FTCDNL1: variants seen among roughly 807,000 people sequenced by gnomAD.
FTCDNL1 encodes the protein formiminotransferase N-terminal subdomain-containing protein.
A neutral mutation model predicts 5.9 loss-of-function variants in FTCDNL1; 11 were observed. The ratio of observed to expected loss-of-function variants is 1.87; its 90% CI spans 1.18 to 3.10. The LOEUF (loss-of-function observed/expected upper bound fraction) is 3.10. Among genes scored for constraint, FTCDNL1 ranks in the 30% most tolerant of loss-of-function variants. The pLI, the probability that FTCDNL1 is intolerant of heterozygous loss-of-function variation, is 0.00. For synonymous variants in FTCDNL1, 58 were observed against 24.8 expected, an observed-to-expected ratio of 2.34 and a Z score of -3.99; for missense variants, 115 against 65.5, an observed-to-expected ratio of 1.76 and a Z score of -2.61.
At chr2:199,795,978 G>T (rs1179846942) in intron 3 of FTCDNL1, among the ~76,000 whole-genome samples, 2 of 152,016 alleles carry the variant, frequency 1.3e-5, no homozygotes, top group African/African-American at 2.4e-5. Context: ...ATGCTGAGGG[G>T]TGATGATCTT....
the FTCDNL1 span, among the ~76,000 whole-genome samples, chr2:199,733,293 A>G: frequency 6.6e-6 from 1 of 152,220 alleles, no homozygotes; most frequent in African/African-American, 2.4e-5. Context: ...GGAATTATAT[A>G]TTTAGGCATG....
At chr2:199,783,844 C>T (rs1699495901) in intron 3 of FTCDNL1, among the ~76,000 whole-genome samples, 1 of 150,778 alleles carries the variant, frequency 6.6e-6, no homozygotes, top group Non-Finnish European at 1.5e-5. Flanking sequence ...TCTTTCTGTG[C>T]TGAAAAAAAA....
chr2:199,822,526 G>C (rs1016937087), intron 3 of FTCDNL1, among the ~76,000 whole-genome samples: 10 of 152,190 alleles, frequency 6.6e-5, no homozygotes, highest in Non-Finnish European at 2.9e-5. Flanking sequence ...GATGGCTGCC[G>C]AAGGCTGGAG....
At chr2:199,727,745 G>A in the FTCDNL1 span, among the ~76,000 whole-genome samples, 1 of 152,068 alleles carries the variant, frequency 6.6e-6, no homozygotes, top group African/African-American at 2.4e-5. Flanking sequence ...TATCAATCCA[G>A]AAACAGAATT....
At chr2:199,679,479 C>A in the FTCDNL1 span, among the ~76,000 whole-genome samples, 130 of 152,174 alleles carry the variant, frequency 8.5e-4, 1 homozygote, top group South Asian at 0.025. Flanking sequence ...ATTCTTATAT[C>A]TGATATTTGA....
the FTCDNL1 span, among the ~76,000 whole-genome samples, chr2:199,749,985 C>G: frequency 6.6e-6 from 1 of 151,108 alleles, no homozygotes; most frequent in Admixed American, 6.6e-5. Flanking sequence ...AGGCCTGTAT[C>G]AAAATATTTC....
At chr2:199,707,957 AGATT>A in the FTCDNL1 span, among the ~76,000 whole-genome samples, 1 of 152,104 alleles carries the variant, frequency 6.6e-6, no homozygotes, top group African/African-American at 2.4e-5. Context: ...CTGGATCTAT[AGATT>A]GATAATTTTT....
At chr2:199,847,291 A>G (rs889135405) in intron 2 of FTCDNL1, among the ~76,000 whole-genome samples, 3 of 152,082 alleles carry the variant, frequency 2.0e-5, no homozygotes, top group Non-Finnish European at 4.4e-5. Flanking sequence ...TAAAAAAAAA[A>G]GGTTCATTTT....
the FTCDNL1 span, among the ~76,000 whole-genome samples, chr2:199,703,964 TCTC>T: frequency 6.6e-6 from 1 of 152,148 alleles, no homozygotes; most frequent in Non-Finnish European, 1.5e-5. Flanking sequence ...ACTCTTCCCT[TCTC>T]CTAAGAACAC....
At chr2:199,817,387 C>T (rs567159186) in intron 4 of FTCDNL1, among the ~76,000 whole-genome samples, 3 of 152,192 alleles carry the variant, frequency 2.0e-5, no homozygotes, top group Non-Finnish European at 4.4e-5. Flanking sequence ...CATCTTTAAA[C>T]ATTCATTGTG....
chr2:199,708,579 GT>G, the FTCDNL1 span, among the ~76,000 whole-genome samples: 3 of 152,182 alleles, frequency 2.0e-5, no homozygotes, highest in African/African-American at 4.8e-5. Context: ...TTATTTCAAG[GT>G]TTGTTCTCAG....
At chr2:199,815,081 C>T (rs1377548966) in intron 4 of FTCDNL1, among the ~76,000 whole-genome samples, 1 of 152,164 alleles carries the variant, frequency 6.6e-6, no homozygotes, top group Non-Finnish European at 1.5e-5. Context: ...ACATATCAGA[C>T]AGCAGTGTTT....
At chr2:199,755,253 T>C in the FTCDNL1 span, among the ~76,000 whole-genome samples, 2 of 152,236 alleles carry the variant, frequency 1.3e-5, no homozygotes, top group African/African-American at 4.8e-5. Context: ...TAAGTAGGTA[T>C]CTATCTGTTC....
chr2:199,828,412 A>C (rs1702164503), intron 3 of FTCDNL1, among the ~76,000 whole-genome samples: 1 of 152,216 alleles, frequency 6.6e-6, no homozygotes, highest in African/African-American at 2.4e-5. Context: ...TTTTCAAGTA[A>C]GTGGCATTAT....
the FTCDNL1 span, among the ~76,000 whole-genome samples, chr2:199,745,497 T>A: frequency 6.6e-6 from 1 of 152,198 alleles, no homozygotes; most frequent in Admixed American, 6.5e-5. Flanking sequence ...CCAATAGAGA[T>A]GTTGAAGGAC....
At chr2:199,675,756 C>A in the FTCDNL1 span, among the ~76,000 whole-genome samples, 1 of 152,104 alleles carries the variant, frequency 6.6e-6, no homozygotes, top group Non-Finnish European at 1.5e-5. Context: ...GGCATACCCA[C>A]CCCCAACCTC....
chr2:199,686,762 A>T, the FTCDNL1 span, among the ~76,000 whole-genome samples: 2 of 152,204 alleles, frequency 1.3e-5, no homozygotes, highest in African/African-American at 4.8e-5. Context: ...TAAGCGATAG[A>T]TGGTTATTAC....
At chr2:199,761,861 G>A (rs552357001) in intron 3 of FTCDNL1, among the ~76,000 whole-genome samples, 15 of 152,196 alleles carry the variant, frequency 9.9e-5, no homozygotes, top group East Asian at 1.9e-4. Context: ...CTCAGAAGCC[G>A]CCCTCAGAAC....
At chr2:199,823,850 G>T (rs1701849383) in intron 3 of FTCDNL1, among the ~76,000 whole-genome samples, 1 of 152,168 alleles carries the variant, frequency 6.6e-6, no homozygotes, top group African/African-American at 2.4e-5. Context: ...CCTAACAAGA[G>T]AATCAGCCTG....
Sources: gnomAD v4.1 joint callset for allele counts (sites outside exome capture counted in the v4.1 genomes callset) on GRCh38, gnomAD v4.1.1 for gene constraint, MANE v1.5 for transcripts, NCBI Gene and HGNC (gene_info 2026-07-23, HGNC 2026-07-21) for gene names.